Variants in RBMS3 observed in about 807,000 individuals in gnomAD.
RBMS3 encodes the protein RNA-binding motif, single-stranded-interacting protein 3.
Under a neutral mutation model 66.8 loss-of-function variants are expected in RBMS3, and 27 were observed. That is an observed-to-expected ratio of 0.40 (90% CI 0.30 to 0.56). The LOEUF (loss-of-function observed/expected upper bound fraction) is 0.56. Among genes scored for constraint, RBMS3 ranks in the 20% least tolerant of loss-of-function variants. The pLI, the probability that RBMS3 is intolerant of heterozygous loss-of-function variation, is 0.40. For missense variants in RBMS3, 513 were observed against 549.5 expected, an observed-to-expected ratio of 0.93 and a Z score of 0.66; for synonymous variants, 188 against 183.0, an observed-to-expected ratio of 1.03 and a Z score of -0.22.
chr3:29,331,143 C>T (rs1040117289), intron 1 of RBMS3, among the ~76,000 whole-genome samples: 2 of 152,122 alleles, frequency 1.3e-5, no homozygotes, highest in Non-Finnish European at 2.9e-5. Context: ...CCATTTTCAA[C>T]CAGTCTGTGC....
chr3:29,512,377 C>A (rs1397704300), intron 3 of RBMS3, among the ~76,000 whole-genome samples: 2 of 152,012 alleles, frequency 1.3e-5, no homozygotes, highest in African/African-American at 2.4e-5. Flanking sequence ...ATTCATCTGA[C>A]ATTAGTTAGA....
intron 3 of RBMS3, among the ~76,000 whole-genome samples, chr3:29,513,651 A>C (rs2044502621): frequency 6.6e-6 from 1 of 151,972 alleles, no homozygotes; most frequent in African/African-American, 2.4e-5. Context: ...TGATCTATAT[A>C]TATAATAATT....
chr3:30,000,878 G>C (rs866431560), intron 14 of RBMS3, among the ~76,000 whole-genome samples: 6 of 151,870 alleles, frequency 4.0e-5, no homozygotes, highest in African/African-American at 1.5e-4. Context: ...CACATACTGG[G>C]GCCTGTCAGG....
chr3:29,739,270 C>A (rs1308074482), intron 4 of RBMS3, among the ~76,000 whole-genome samples: 1 of 152,004 alleles, frequency 6.6e-6, no homozygotes, highest in East Asian at 1.9e-4. Flanking sequence ...TCCTGGCTAA[C>A]ACGGTGAAAC....
At chr3:29,698,092 TC>T in intron 4 of RBMS3, 2 of 555,220 alleles carry the variant, frequency 3.6e-6, no homozygotes, top group Non-Finnish European at 4.6e-6. Context: ...ACTTGGTGCT[TC>T]ATTTTATGTG....
chr3:29,688,259 C>G (rs2051822510), intron 4 of RBMS3, among the ~76,000 whole-genome samples: 1 of 152,050 alleles, frequency 6.6e-6, no homozygotes, highest in Admixed American at 6.6e-5. Context: ...ATTTCCTATC[C>G]CCATTTTCTT....
rs183748149 is a variant in RBMS3 at position 29,395,552 on chromosome 3, G to A, written c.76-39191G>A. 2.3e-3 allele frequency among the ~76,000 whole-genome samples: 356 copies of A among 152,220 alleles called. 2 individuals are homozygous for A. Among genetic ancestry groups the A allele is most frequent in the African/African-American group, 8.1e-3 (335 of 41,538 alleles). On this transcript the variant is annotated intron_variant, in intron 1 of 14. Coordinates refer to ENST00000383767, the MANE Select transcript of RBMS3 (RefSeq NM_001003793.3). Reference sequence around the variant, plus strand: ...TGATGCTTCTCCATCATTGTCATTAGAGCTACATTTAAGCAAATGCTTACA... The same window carrying A: ...TGATGCTTCTCCATCATTGTCATTAAAGCTACATTTAAGCAAATGCTTACA...
chr3:29,325,218 T>A (rs1411602036), intron 1 of RBMS3, among the ~76,000 whole-genome samples: 1 of 152,190 alleles, frequency 6.6e-6, no homozygotes, highest in Non-Finnish European at 1.5e-5. Flanking sequence ...TTGTATTTTA[T>A]ATTTCGTTTG....
intron 4 of RBMS3, among the ~76,000 whole-genome samples, chr3:29,733,197 G>A (rs1207269393): frequency 1.3e-5 from 2 of 151,898 alleles, no homozygotes; most frequent in African/African-American, 4.8e-5. Context: ...TACCTCTTCA[G>A]GGTATTTCTA....
At chr3:29,540,324 TG>T (rs570980795) in intron 3 of RBMS3, among the ~76,000 whole-genome samples, 10 of 152,212 alleles carry the variant, frequency 6.6e-5, no homozygotes, top group Non-Finnish European at 1.3e-4. Context: ...TTTTAAAATT[TG>T]TTTATATTTC....
chr3:29,893,783 A>G (rs1475541182), intron 8 of RBMS3, among the ~76,000 whole-genome samples: 2 of 151,508 alleles, frequency 1.3e-5, no homozygotes, highest in Non-Finnish European at 3.0e-5. Context: ...ATATTGGACC[A>G]TCTTCTCTGG....
chr3:29,401,618 T>C (rs995402832), intron 1 of RBMS3, among the ~76,000 whole-genome samples: 1 of 152,110 alleles, frequency 6.6e-6, no homozygotes, highest in African/African-American at 2.4e-5. Flanking sequence ...TAAACAGTGC[T>C]AGTCGCTTTG....
intron 6 of RBMS3, among the ~76,000 whole-genome samples, chr3:29,842,234 T>G (rs1191592335): frequency 1.3e-5 from 2 of 152,150 alleles, no homozygotes; most frequent in East Asian, 1.9e-4. Context: ...GGACCAAATC[T>G]ATTTTGAAAA....
chr3:29,657,071 C>G (rs1315592248), intron 4 of RBMS3, among the ~76,000 whole-genome samples: 1 of 152,172 alleles, frequency 6.6e-6, no homozygotes, highest in Admixed American at 6.5e-5. Context: ...TGATTTTTGA[C>G]TCACATTTCC....
chr3:29,658,013 T>A (rs998072671), intron 4 of RBMS3, among the ~76,000 whole-genome samples: 7 of 152,180 alleles, frequency 4.6e-5, no homozygotes, highest in Admixed American at 2.0e-4. Flanking sequence ...GGCCGTAGAG[T>A]GTAGTGTTTA....
chr3:29,865,480 A>T (rs747507021), intron 6 of RBMS3, among the ~76,000 whole-genome samples: 2 of 152,236 alleles, frequency 1.3e-5, no homozygotes, highest in Non-Finnish European at 2.9e-5. Flanking sequence ...TTCTGTAGCC[A>T]CTGGTCAATG....
chr3:29,818,924 A>G (rs2057996187), intron 6 of RBMS3, among the ~76,000 whole-genome samples: 3 of 152,186 alleles, frequency 2.0e-5, no homozygotes, highest in Admixed American at 6.5e-5. Flanking sequence ...TTACTATGAA[A>G]ACCCACATAA....
intron 1 of RBMS3, among the ~76,000 whole-genome samples, chr3:29,340,843 T>C (rs1206804829): frequency 6.6e-6 from 1 of 152,164 alleles, no homozygotes; most frequent in Non-Finnish European, 1.5e-5. Flanking sequence ...TTATATTTTC[T>C]ATCCCTCCTT....
intron 1 of RBMS3, among the ~76,000 whole-genome samples, chr3:29,424,167 A>C (rs2040853996): frequency 6.6e-6 from 1 of 152,250 alleles, no homozygotes; most frequent in African/African-American, 2.4e-5. Flanking sequence ...CTAAAGTAAT[A>C]AAAGGAAAAT....
Sources: gnomAD v4.1 joint callset for allele counts (sites outside exome capture counted in the v4.1 genomes callset) on GRCh38, gnomAD v4.1.1 for gene constraint, MANE v1.5 for transcripts, NCBI Gene and HGNC (gene_info 2026-07-23, HGNC 2026-07-21) for gene names.